PTPRG: variants seen among roughly 807,000 people sequenced by gnomAD.
The protein encoded by PTPRG is receptor-type tyrosine-protein phosphatase gamma.
A neutral mutation model predicts 165.3 loss-of-function variants in PTPRG; 102 were observed. That is an observed-to-expected ratio of 0.62 (90% CI 0.53 to 0.73). PTPRG has a LOEUF of 0.73. PTPRG is among the 30% of genes least tolerant of loss of function. The pLI is 0.00. For missense variants in PTPRG, 1,866 were observed against 1,861.4 expected (o/e 1.00, Z -0.05); for synonymous variants, 675 against 669.5 (o/e 1.01, Z -0.13).
chr3:61,679,404 C>T (rs556998751), intron 1 of PTPRG, among the ~76,000 whole-genome samples: 133 of 152,226 alleles, frequency 8.7e-4, no homozygotes, highest in Non-Finnish European at 1.3e-3. Flanking sequence ...AGCAGCCCGA[C>T]CAAGAGCCAG....
rs1293997617 is a variant in PTPRG at position 61,736,955 on chromosome 3, CCTT to C, written c.86-11919_86-11917del. Among the ~76,000 whole-genome samples, 8 of 152,234 alleles carry C rather than the reference CCTT, an allele frequency of 5.3e-5. No individual in the cohort carries two copies. The East Asian group carries it at 1.5e-3, about 29-fold the overall frequency. ...TGACTGCCATGTTGGTTCTTCATTGCCTTCTTAAGTTCCTTTAAGGTCCTGAAG... is the reference window on the plus strand; with the variant it reads ...TGACTGCCATGTTGGTTCTTCATTGCCTTAAGTTCCTTTAAGGTCCTGAAG... On this transcript the variant is annotated intron_variant, in intron 1 of 29. Coordinates refer to ENST00000474889, the MANE Select transcript of PTPRG (RefSeq NM_002841.4).
At chr3:61,884,241 T>C (rs2037967966) in intron 2 of PTPRG, among the ~76,000 whole-genome samples, 1 of 152,188 alleles carries the variant, frequency 6.6e-6, no homozygotes, top group African/African-American at 2.4e-5. Context: ...TCAAATGCTG[T>C]AAGTGGCAGA....
At chr3:62,099,844 G>A (rs1702230162) in intron 5 of PTPRG, among the ~76,000 whole-genome samples, 1 of 139,336 alleles carries the variant, frequency 7.2e-6, no homozygotes, top group Admixed American at 7.9e-5. Flanking sequence ...TGTTGCCCAG[G>A]CTGGAGTGCA....
chr3:62,194,825 G>A (rs572010385), intron 9 of PTPRG, among the ~76,000 whole-genome samples: 41 of 151,894 alleles, frequency 2.7e-4, no homozygotes, highest in Non-Finnish European at 5.9e-5. Flanking sequence ...AAAGAATAAT[G>A]TTACTCTTTC....
intron 2 of PTPRG, among the ~76,000 whole-genome samples, chr3:61,920,097 T>G (rs2039040848): frequency 6.6e-6 from 1 of 152,248 alleles, no homozygotes; most frequent in Non-Finnish European, 1.5e-5. Context: ...TGAGGTGTTT[T>G]TCTCCATAGG....
chr3:61,818,858 TGAATAGTGAAATAG>T (rs2035870765), intron 2 of PTPRG, among the ~76,000 whole-genome samples: 1 of 93,114 alleles, frequency 1.1e-5, no homozygotes, highest in South Asian at 4.2e-4. Flanking sequence ...AGTGAAATAG[TGAATAGTGAAATAG>T]TGAATAGTGA....
intron 1 of PTPRG, among the ~76,000 whole-genome samples, chr3:61,577,504 G>T (rs1385012702): frequency 6.6e-6 from 1 of 151,964 alleles, no homozygotes; most frequent in East Asian, 1.9e-4. Context: ...AAAGACAAAT[G>T]AAAAAAGAAT....
At chr3:62,291,265 C>T (rs545013200) in intron 28 of PTPRG, among the ~76,000 whole-genome samples, 17 of 152,142 alleles carry the variant, frequency 1.1e-4, no homozygotes, top group Non-Finnish European at 1.9e-4. Context: ...ATAGTATGAA[C>T]AGGTAACAGC....
In PTPRG at chr3:62,047,530, AG is replaced by A. The variant is rs1700336248; in HGVS notation, c.520-30631del. Among the ~76,000 whole-genome samples the A allele has an allele frequency of 2.0e-5, 3 of 152,176 alleles. No individual in the cohort carries two copies. The South Asian group carries it at 6.2e-4, about 32-fold the overall frequency. ...GCCCTCCCCAGCCTCCCAAAGTGCTAGGATTACAGGCGTGAGCCACCATGCC... is the reference window on the plus strand; with the variant it reads ...GCCCTCCCCAGCCTCCCAAAGTGCTAGATTACAGGCGTGAGCCACCATGCC... On this transcript the variant is annotated intron_variant, in intron 4 of 29. Transcript: ENST00000474889.
chr3:62,265,134 C>T (rs955512833), intron 17 of PTPRG, among the ~76,000 whole-genome samples: 4 of 152,102 alleles, frequency 2.6e-5, no homozygotes, highest in African/African-American at 9.7e-5. Context: ...TTTTAACTGG[C>T]TTACTTTTGT....
intron 2 of PTPRG, among the ~76,000 whole-genome samples, chr3:61,792,819 C>G (rs942072265): frequency 1.3e-5 from 2 of 151,848 alleles, no homozygotes. Flanking sequence ...ACCTCCGCCT[C>G]CTGGGTTCAA....
chr3:62,284,721 AATCAACTT>A (rs926284407), intron 28 of PTPRG, among the ~76,000 whole-genome samples: 1 of 152,026 alleles, frequency 6.6e-6, no homozygotes, highest in Admixed American at 6.6e-5. Flanking sequence ...GCCTGCCCCT[AATCAACTT>A]AACTGTACAG....
chr3:61,976,557 T>C (rs1453457848), intron 2 of PTPRG, among the ~76,000 whole-genome samples: 1 of 152,220 alleles, frequency 6.6e-6, no homozygotes, highest in Non-Finnish European at 1.5e-5. Context: ...GTGGTTAACA[T>C]AAAATAGAAT....
chr3:62,006,933 G>A (rs1015467231), intron 4 of PTPRG, among the ~76,000 whole-genome samples: 13 of 152,212 alleles, frequency 8.5e-5, no homozygotes, highest in Admixed American at 3.3e-4. Context: ...CTTTATCTAA[G>A]TAGCATCATT....
At chr3:61,759,057 T>C (rs2033739450) in intron 2 of PTPRG, among the ~76,000 whole-genome samples, 2 of 152,198 alleles carry the variant, frequency 1.3e-5, no homozygotes, top group Admixed American at 1.3e-4. Flanking sequence ...GGTGTTAGTT[T>C]CAGTGTTTGG....
intron 1 of PTPRG, among the ~76,000 whole-genome samples, chr3:61,731,568 A>G (rs2032503219): frequency 6.6e-6 from 1 of 151,694 alleles, no homozygotes; most frequent in Non-Finnish European, 1.5e-5. Flanking sequence ...AGAATGGTCT[A>G]AATCTCCTGA....
At chr3:61,970,814 C>A (rs573507506) in intron 2 of PTPRG, among the ~76,000 whole-genome samples, 3 of 152,036 alleles carry the variant, frequency 2.0e-5, no homozygotes, top group African/African-American at 7.2e-5. Context: ...GAATTTGAAC[C>A]AAATGAGTTC....
intron 5 of PTPRG, among the ~76,000 whole-genome samples, chr3:62,094,377 A>C (rs1702040189): frequency 6.6e-6 from 1 of 152,146 alleles, no homozygotes. Context: ...TAGGACTTTG[A>C]GGAAAAGTCT....
At chr3:61,888,461 G>A (rs2038117126) in intron 2 of PTPRG, among the ~76,000 whole-genome samples, 1 of 152,026 alleles carries the variant, frequency 6.6e-6, no homozygotes, top group Non-Finnish European at 1.5e-5. Flanking sequence ...AGCCTCCCGA[G>A]TAGCTGGGAC....
Sources: allele counts gnomAD v4.1 joint callset (sites outside exome capture counted in the v4.1 genomes callset), GRCh38; gene constraint gnomAD v4.1.1; transcripts MANE v1.5; gene names NCBI Gene and HGNC (gene_info 2026-07-23, HGNC 2026-07-21).